Variants in TLL1 observed in about 807,000 individuals in gnomAD.
TLL1 encodes tolloid like 1.
Under a neutral mutation model 128.2 loss-of-function variants are expected in TLL1, and 49 were observed. The observed-to-expected ratio is 0.38, with a 90% CI of 0.30 to 0.48. The LOEUF (loss-of-function observed/expected upper bound fraction) is 0.48, where lower values mean the gene tolerates loss of function less well. Ranked by LOEUF, TLL1 falls within the 20% of genes least tolerant of loss-of-function variation. TLL1 has a pLI of 0.96. For missense variants in TLL1, 1,123 were observed against 1,242.0 expected (o/e 0.90, Z 1.44); for synonymous variants, 454 against 418.8 (o/e 1.08, Z -1.03).
intron 18 of TLL1, among the ~76,000 whole-genome samples, chr4:166,090,721 A>C (rs1045018776): frequency 6.6e-6 from 1 of 152,050 alleles, no homozygotes; most frequent in African/African-American, 2.4e-5. Flanking sequence ...TTAAGTGCCT[A>C]AGGGTAGGAT....
At chr4:165,924,575 C>A (rs1275101069) in intron 1 of TLL1, among the ~76,000 whole-genome samples, 1 of 152,158 alleles carries the variant, frequency 6.6e-6, no homozygotes, top group East Asian at 1.9e-4. Flanking sequence ...AAGCCTTCTC[C>A]ATAACCTAAA....
At chr4:165,916,143 G>C (rs567629273) in intron 1 of TLL1, among the ~76,000 whole-genome samples, 1 of 152,256 alleles carries the variant, frequency 6.6e-6, no homozygotes, top group South Asian at 2.1e-4. Context: ...ATGATCAGAT[G>C]ATTTTCACCC....
At chr4:165,903,043 A>G (rs1732073484) in intron 1 of TLL1, among the ~76,000 whole-genome samples, 1 of 152,194 alleles carries the variant, frequency 6.6e-6, no homozygotes, top group Non-Finnish European at 1.5e-5. Flanking sequence ...GATACTTTTA[A>G]GAAAGTGACA....
chr4:165,915,954 C>G (rs1323357883), intron 1 of TLL1, among the ~76,000 whole-genome samples: 1 of 152,084 alleles, frequency 6.6e-6, no homozygotes, highest in Non-Finnish European at 1.5e-5. Flanking sequence ...AATGCAAACC[C>G]GGGGTTGCCT....
chr4:166,079,679 A>G (rs554600173), intron 18 of TLL1, among the ~76,000 whole-genome samples: 61 of 152,148 alleles, frequency 4.0e-4, no homozygotes, highest in African/African-American at 1.3e-3. Flanking sequence ...AATTTCTTAC[A>G]TCTGTATTGT....
chr4:165,930,272 T>C (rs572325518), intron 1 of TLL1, among the ~76,000 whole-genome samples: 2 of 152,280 alleles, frequency 1.3e-5, no homozygotes, highest in East Asian at 3.9e-4. Flanking sequence ...TTTCCTCTGG[T>C]ATGTGTATAG....
At chr4:166,048,345 C>A (rs987453703) in intron 12 of TLL1, among the ~76,000 whole-genome samples, 1 of 151,884 alleles carries the variant, frequency 6.6e-6, no homozygotes, top group African/African-American at 2.4e-5. Context: ...TCTGCTAGTG[C>A]CTTAACCTTG....
intron 1 of TLL1, among the ~76,000 whole-genome samples, chr4:165,941,489 TAG>T (rs956344467): frequency 6.6e-6 from 1 of 152,012 alleles, no homozygotes; most frequent in Non-Finnish European, 1.5e-5. Context: ...TGCAGAAGGT[TAG>T]AGAGAGAGGA....
At chr4:165,981,450 T>G (rs966393207) in intron 1 of TLL1, among the ~76,000 whole-genome samples, 13 of 152,102 alleles carry the variant, frequency 8.5e-5, no homozygotes, top group African/African-American at 3.1e-4. Context: ...AGTCAAAGTA[T>G]GAATTTTAAA....
intron 1 of TLL1, among the ~76,000 whole-genome samples, chr4:165,898,091 C>G (rs554728559): frequency 6.6e-6 from 1 of 152,160 alleles, no homozygotes; most frequent in Admixed American, 6.5e-5. Context: ...TATCCTGAGA[C>G]TTTGCTGAAG....
intron 5 of TLL1, 51 bp from the exon 6 acceptor site, chr4:166,003,340 T>C: frequency 6.3e-7 from 1 of 1,597,324 alleles, no homozygotes; most frequent in Non-Finnish European, 8.6e-7. Context: ...ATATTGTCAG[T>C]TGTCCAGCAC....
At chr4:165,920,588 C>T (rs922176067) in intron 1 of TLL1, among the ~76,000 whole-genome samples, 2 of 152,038 alleles carry the variant, frequency 1.3e-5, no homozygotes, top group African/African-American at 4.8e-5. Flanking sequence ...ATAAGGCAAC[C>T]TAATTTGATG....
intron 5 of TLL1, among the ~76,000 whole-genome samples, chr4:165,996,884 ATAT>A (rs1195181019): frequency 6.7e-6 from 1 of 150,342 alleles, no homozygotes; most frequent in African/African-American, 2.4e-5. Flanking sequence ...GTATATATTA[ATAT>A]TTATTTGTAC....
At chr4:166,027,856 G>A (rs1579643735) in intron 9 of TLL1, among the ~76,000 whole-genome samples, 1 of 152,094 alleles carries the variant, frequency 6.6e-6, no homozygotes, top group African/African-American at 2.4e-5. Context: ...CAAAACTCTC[G>A]CCATTAGCAT....
At chr4:165,978,789 T>C (rs773978506) in intron 1 of TLL1, among the ~76,000 whole-genome samples, 1 of 152,232 alleles carries the variant, frequency 6.6e-6, no homozygotes, top group Non-Finnish European at 1.5e-5. Context: ...TCTGCTGTGC[T>C]TTCCAATGAG....
chr4:166,024,558 G>A (rs974288582), intron 8 of TLL1, among the ~76,000 whole-genome samples: 8 of 152,246 alleles, frequency 5.3e-5, no homozygotes, highest in South Asian at 2.1e-4. Flanking sequence ...AGGGAAGCCC[G>A]TTGTAGAATG....
chr4:166,009,277 G>C (rs1169044076), intron 7 of TLL1, among the ~76,000 whole-genome samples: 1 of 151,454 alleles, frequency 6.6e-6, no homozygotes, highest in Non-Finnish European at 1.5e-5. Context: ...TTAGGTTCCA[G>C]TTCAGTCAAA....
chr4:165,956,138 A>AC (rs145935883), intron 1 of TLL1, among the ~76,000 whole-genome samples: 16,142 of 152,176 alleles, frequency 0.11, 2,483 homozygotes, highest in African/African-American at 0.34. Flanking sequence ...AAGCAGAACT[A>AC]CTGACAAGGA....
At chr4:166,031,054 T>G in intron 9 of TLL1, 1 of 878,262 alleles carries the variant, frequency 1.1e-6, no homozygotes, top group Non-Finnish European at 1.4e-6. Context: ...TTAATACCCA[T>G]GTAAAATGAA....
Sources: gnomAD v4.1 joint callset for allele counts (sites outside exome capture counted in the v4.1 genomes callset) on GRCh38, gnomAD v4.1.1 for gene constraint, MANE v1.5 for transcripts, NCBI Gene and HGNC (gene_info 2026-07-23, HGNC 2026-07-21) for gene names.